FHIT: variants seen among roughly 807,000 people sequenced by gnomAD.
The protein encoded by FHIT is bis(5'-adenosyl)-triphosphatase.
FHIT carries 19 observed loss-of-function variants against 17.9 expected under a neutral mutation model. The ratio of observed to expected loss-of-function variants is 1.06; its 90% confidence interval spans 0.74 to 1.56. The LOEUF (loss-of-function observed/expected upper bound fraction) is 1.56, where lower values mean the gene tolerates loss of function less well. Among genes scored for constraint, FHIT ranks in the 40% most tolerant of loss-of-function variants. The pLI is 0.00. For synonymous variants in FHIT, 81 were observed against 69.7 expected (o/e 1.16, Z -0.81); for missense variants, 248 against 189.2 (o/e 1.31, Z -1.82).
At chr3:60,956,882 T>C (rs1240714414) in intron 3 of FHIT, among the ~76,000 whole-genome samples, 2 of 151,528 alleles carry the variant, frequency 1.3e-5, no homozygotes, top group African/African-American at 4.9e-5. Flanking sequence ...GTCAGCGTCC[T>C]ACAAAAAATG....
At chr3:59,941,649 T>C (rs1706525985) in intron 7 of FHIT, among the ~76,000 whole-genome samples, 1 of 152,136 alleles carries the variant, frequency 6.6e-6, no homozygotes, top group African/African-American at 2.4e-5. Context: ...ACACTGGACA[T>C]AGCGCATAAC....
intron 4 of FHIT, among the ~76,000 whole-genome samples, chr3:60,757,998 G>T (rs1017409881): frequency 3.3e-5 from 5 of 152,100 alleles, no homozygotes; most frequent in Admixed American, 1.3e-4. Context: ...TACGGCCCAG[G>T]GCTCTCTAGC....
chr3:60,860,709 A>T (rs201288896), intron 3 of FHIT, among the ~76,000 whole-genome samples: 2,796 of 54,220 alleles, frequency 0.052, 673 homozygotes, highest in African/African-American at 0.21. Flanking sequence ...GTACATATGT[A>T]CATATATATC....
chr3:60,721,212 C>T (rs1553707979), intron 4 of FHIT, among the ~76,000 whole-genome samples: 1 of 152,118 alleles, frequency 6.6e-6, no homozygotes, highest in East Asian at 1.9e-4. Flanking sequence ...CTGTCTTCTT[C>T]ACTACTCAAG....
At chr3:60,816,050 T>C (rs1043588637) in intron 4 of FHIT, among the ~76,000 whole-genome samples, 20 of 152,104 alleles carry the variant, frequency 1.3e-4, no homozygotes, top group African/African-American at 4.8e-4. Flanking sequence ...TTGAACATTA[T>C]TGGTGTACAG....
chr3:60,315,530 G>T (rs1709125308), intron 5 of FHIT, among the ~76,000 whole-genome samples: 1 of 152,144 alleles, frequency 6.6e-6, no homozygotes, highest in South Asian at 2.1e-4. Flanking sequence ...TGAATTTCAT[G>T]TGTAGGAAAT....
intron 1 of FHIT, among the ~76,000 whole-genome samples, chr3:61,219,264 G>T (rs924184048): frequency 6.6e-6 from 1 of 151,904 alleles, no homozygotes; most frequent in African/African-American, 2.4e-5. Flanking sequence ...AACCATACTT[G>T]TTGAATAAAC....
intron 5 of FHIT, among the ~76,000 whole-genome samples, chr3:60,121,488 C>G (rs1015083202): frequency 2.6e-5 from 4 of 151,940 alleles, no homozygotes. Context: ...GAATTTGAGA[C>G]CAGCTTGGCC....
intron 2 of FHIT, among the ~76,000 whole-genome samples, chr3:61,165,252 C>G (rs777923648): frequency 1.3e-5 from 2 of 152,170 alleles, no homozygotes; most frequent in Non-Finnish European, 2.9e-5. Context: ...TTTACATTCT[C>G]GACAACAGTT....
chr3:60,819,436 T>C (rs1553738644), intron 4 of FHIT, among the ~76,000 whole-genome samples: 1 of 152,214 alleles, frequency 6.6e-6, no homozygotes, highest in Non-Finnish European at 1.5e-5. Context: ...CCAGTGATTA[T>C]CTACATGGTA....
intron 4 of FHIT, among the ~76,000 whole-genome samples, chr3:60,669,349 T>C (rs984940674): frequency 6.6e-6 from 1 of 152,214 alleles, no homozygotes; most frequent in East Asian, 1.9e-4. Flanking sequence ...TAGGCTCACT[T>C]GGTCATCACT....
intron 5 of FHIT, among the ~76,000 whole-genome samples, chr3:60,170,209 G>A (rs1159144110): frequency 6.6e-6 from 1 of 152,164 alleles, no homozygotes; most frequent in Non-Finnish European, 1.5e-5. Flanking sequence ...AAGATGGATG[G>A]AGGTAATCAG....
intron 5 of FHIT, among the ~76,000 whole-genome samples, chr3:60,108,379 G>A (rs1340332231): frequency 1.3e-5 from 2 of 152,232 alleles, no homozygotes; most frequent in Admixed American, 6.5e-5. Context: ...TAAGTCAAAA[G>A]GTTAGGTAAT....
At position 60,753,846 on chromosome 3, in the gene FHIT, A is replaced by T. The variant is rs916589936; in HGVS notation, c.-18+68073T>A. Among the ~76,000 whole-genome samples the T allele has an allele frequency of 2.6e-5, 4 of 152,304 alleles. No individual in the cohort carries two copies. In the East Asian group the frequency reaches 5.8e-4, roughly 22 times the overall value. ...GACGATTTTCTATCCTTAACTCTTC[A>T]CTAAGTAGGGCTGCTTTACAATTTC... is the stretch of plus-strand genomic sequence containing the variant. On this transcript the variant is annotated intron_variant, in intron 4 of 9. Coordinates refer to ENST00000492590, the MANE Select transcript of FHIT (RefSeq NM_002012.4).
intron 3 of FHIT, among the ~76,000 whole-genome samples, chr3:60,968,006 A>G (rs1355593340): frequency 6.6e-6 from 1 of 152,278 alleles, no homozygotes; most frequent in Non-Finnish European, 1.5e-5. Context: ...TCAACTAAAA[A>G]AAAATTAGTA....
intron 3 of FHIT, among the ~76,000 whole-genome samples, chr3:61,004,717 A>C (rs2031326220): frequency 6.6e-6 from 1 of 152,084 alleles, no homozygotes. Flanking sequence ...GGGTCCCCCC[A>C]TTGGCCAGAA....
intron 3 of FHIT, among the ~76,000 whole-genome samples, chr3:60,950,078 A>C (rs6788916): frequency 2.0e-5 from 3 of 152,112 alleles, no homozygotes; most frequent in Non-Finnish European, 4.4e-5. Context: ...TTGTGCATGC[A>C]TTACCTTTTC....
chr3:60,075,094 T>A (rs1702945630), intron 5 of FHIT, among the ~76,000 whole-genome samples: 1 of 152,108 alleles, frequency 6.6e-6, no homozygotes, highest in Non-Finnish European at 1.5e-5. Flanking sequence ...TTAATAAGAT[T>A]TGGAACCAAA....
chr3:60,439,621 T>C (rs948848275), intron 5 of FHIT, among the ~76,000 whole-genome samples: 1 of 152,066 alleles, frequency 6.6e-6, no homozygotes, highest in Admixed American at 6.6e-5. Flanking sequence ...TCCCTTCTGA[T>C]ACTCCTAAAT....
Sources: gnomAD v4.1 joint callset for allele counts (sites outside exome capture counted in the v4.1 genomes callset) on GRCh38, gnomAD v4.1.1 for gene constraint, MANE v1.5 for transcripts, NCBI Gene and HGNC (gene_info 2026-07-23, HGNC 2026-07-21) for gene names.